Variants in KLHL5 observed in about 807,000 individuals in gnomAD.
KLHL5 encodes the protein kelch-like protein 5.
In KLHL5, 48 loss-of-function variants were observed where a neutral mutation model predicts 77.7. The observed-to-expected ratio is 0.62, with a 90% CI of 0.49 to 0.79. The LOEUF is 0.79. Ranked by LOEUF, KLHL5 falls within the 30% of genes least tolerant of loss-of-function variation. The pLI, the probability that KLHL5 is intolerant of heterozygous loss-of-function variation, is 0.00. For missense variants in KLHL5, 723 were observed against 859.7 expected (o/e 0.84, Z 1.99); for synonymous variants, 260 against 297.0 (o/e 0.88, Z 1.28).
In KLHL5 at chr4:39,047,212, G is replaced by T. The variant is rs1192958713; in HGVS notation, c.-95+2116G>T. ...GTAGGTGGATCACTTGAGGTCAGGA[G>T]TTCAAGACCACCCTGGCCAACACAG... On this transcript the variant is annotated intron_variant, in intron 1 of 11. Coordinates refer to the KLHL5 transcript ENST00000261425. Among the ~76,000 whole-genome samples, 4 of 152,264 alleles carry T rather than the reference G, an allele frequency of 2.6e-5. No homozygotes were observed. The South Asian group carries it at 8.3e-4, about 32-fold the overall frequency.
At chr4:39,051,579 C>T (rs1165666816) in intron 1 of KLHL5, among the ~76,000 whole-genome samples, 1 of 152,208 alleles carries the variant, frequency 6.6e-6, no homozygotes, top group East Asian at 1.9e-4. Flanking sequence ...AGCAGGGCAG[C>T]ATCAAATGTT....
At chr4:39,130,442 A>C (rs1263941172), downstream of KLHL5, among the ~76,000 whole-genome samples, 1 of 152,200 alleles carries the variant, frequency 6.6e-6, no homozygotes, top group African/African-American at 2.4e-5. Context: ...ACAACCTTCC[A>C]GTGTGGGCGT....
chr4:39,113,242 T>G lies in KLHL5; in HGVS notation c.1901+10T>G. 1 of 1,604,360 alleles carries G rather than the reference T, an allele frequency of 6.2e-7. No individual in the cohort carries two copies. The highest frequency in any genetic ancestry group is 1.1e-5 in the South Asian group (1 of 90,220). On this transcript the variant is annotated intron_variant, in intron 9 of 10. Coordinates refer to ENST00000504108, the MANE Select transcript of KLHL5 (RefSeq NM_015990.5). ...CAGACTGTGTGGAAAGGTAATTTCC[T>G]GGGAAGAAAAACTAGGAACAAAAAA...
At chr4:39,106,458 C>A (rs969518239) in intron 7 of KLHL5, among the ~76,000 whole-genome samples, 1 of 152,156 alleles carries the variant, frequency 6.6e-6, no homozygotes, top group Non-Finnish European at 1.5e-5. Flanking sequence ...AGCCCTTACC[C>A]GTTATATTCT....
chr4:39,127,714 C>T (rs1289904312), downstream of KLHL5, among the ~76,000 whole-genome samples: 2 of 152,078 alleles, frequency 1.3e-5, no homozygotes, highest in Non-Finnish European at 2.9e-5. Context: ...ATCTTCCCGC[C>T]TCCTCTTCCC....
intron 5 of KLHL5, among the ~76,000 whole-genome samples, 180 bp downstream of exon 5, chr4:39,086,907 T>A (rs1221131082): frequency 1.5e-5 from 2 of 135,628 alleles, no homozygotes; most frequent in East Asian, 4.2e-4. Flanking sequence ...TAACATTCTT[T>A]TTTTTTTTTT....
At chr4:39,130,192 T>G (rs942439805), downstream of KLHL5, among the ~76,000 whole-genome samples, 4 of 152,210 alleles carry the variant, frequency 2.6e-5, no homozygotes, top group Non-Finnish European at 5.9e-5. Context: ...ACCCACATAC[T>G]TATTAACAGC....
chr4:39,105,909 G>A (rs1721999381), intron 7 of KLHL5, among the ~76,000 whole-genome samples: 1 of 151,992 alleles, frequency 6.6e-6, no homozygotes, highest in Admixed American at 6.6e-5. Flanking sequence ...AAATATATCT[G>A]TAATACAGGG....
At chr4:39,101,126 T>TATACATATATATATATATCTA (rs1553892884) in intron 6 of KLHL5, among the ~76,000 whole-genome samples, 1 of 134,844 alleles carries the variant, frequency 7.4e-6, no homozygotes, top group African/African-American at 2.8e-5. Context: ...TATTTGGATT[T>TATACATATATATATATATCTA]TATATATATA....
chr4:39,087,803 T>C (rs948464236), intron 5 of KLHL5, among the ~76,000 whole-genome samples: 8 of 152,214 alleles, frequency 5.3e-5, no homozygotes, highest in African/African-American at 1.9e-4. Flanking sequence ...GACTTTCTTT[T>C]TCTTTTTTTA....
intron 7 of KLHL5, among the ~76,000 whole-genome samples, chr4:39,104,851 C>T (rs576990367): frequency 7.9e-5 from 12 of 152,040 alleles, no homozygotes; most frequent in African/African-American, 1.7e-4. Flanking sequence ...CTGCAACTTC[C>T]GCCTCCCGGG....
rs1723463953 is a variant in KLHL5, at chr4:39,125,203, G to T, written c.*4137G>T. Among the ~76,000 whole-genome samples, 1 of 152,072 alleles carries T rather than the reference G, an allele frequency of 6.6e-6. No individual in the cohort carries two copies. The highest frequency in any genetic ancestry group is 6.6e-5 in the Admixed American group (1 of 15,258). ...AATAGAGAAAATAAATGTTAGAGAG[G>T]ATGTGGAGAAATTGAAAACCTTCAT... On this transcript the variant is annotated 3_prime_UTR_variant, in exon 11 of 11. Coordinates refer to ENST00000504108, the MANE Select transcript of KLHL5 (RefSeq NM_015990.5).
In KLHL5 at chr4:39,101,285, C is replaced by A. The variant is rs185618540; in HGVS notation, c.1301-2002C>A. Among the ~76,000 whole-genome samples the A allele has an allele frequency of 2.6e-5, 4 of 151,022 alleles. No homozygotes were observed. The East Asian group carries it at 7.8e-4, about 29-fold the overall frequency. ...CTTAAAATTCAAAAGAAAAGTATTC[C>A]CTAAATGTATTCATGAAGAAAGATG... On this transcript the variant is annotated intron_variant, in intron 6 of 10. Transcript: ENST00000504108.
intron 10 of KLHL5, among the ~76,000 whole-genome samples, chr4:39,117,301 A>G (rs1433143053): frequency 1.3e-5 from 2 of 152,280 alleles, no homozygotes; most frequent in East Asian, 3.9e-4. Flanking sequence ...TCTGTCTCTT[A>G]AAAATAATCA....
At chr4:39,093,299 A>G (rs183892902) in intron 5 of KLHL5, 1 of 433,618 alleles carries the variant, frequency 2.3e-6, no homozygotes, top group African/African-American at 2.0e-5. Context: ...ATGTCCAGCA[A>G]AAGCAAATCT....
In KLHL5 at chr4:39,107,546, AATTG is replaced by A. The variant is rs764192177; in HGVS notation, c.1526-22_1526-19del. 2 of 1,540,500 alleles carry A rather than the reference AATTG, an allele frequency of 1.3e-6. No homozygotes were observed. Among genetic ancestry groups the A allele is most frequent in the African/African-American group, 1.7e-5 (1 of 57,950 alleles). On this transcript the variant is annotated intron_variant, in intron 7 of 10. Coordinates refer to ENST00000504108, the MANE Select transcript of KLHL5 (RefSeq NM_015990.5). ...AGACAGCAGCCAATCTGAAGTCGTT[AATTG>A]TTTCCTGTCTCCTCATAGGTGTGGC...
intron 2 of KLHL5, among the ~76,000 whole-genome samples, chr4:39,077,771 A>G (rs1719217636): frequency 1.3e-5 from 2 of 148,862 alleles, no homozygotes; most frequent in Admixed American, 1.3e-4. Flanking sequence ...CAATCCCACT[A>G]CTAACTATCA....
intron 5 of KLHL5, among the ~76,000 whole-genome samples, chr4:39,095,582 A>G (rs1407451108): frequency 6.6e-6 from 1 of 152,006 alleles, no homozygotes; most frequent in Non-Finnish European, 1.5e-5. Context: ...GTAGCAGAAA[A>G]AAGTATGTTT....
intron 2 of KLHL5, among the ~76,000 whole-genome samples, chr4:39,078,543 A>C (rs1226396146): frequency 6.6e-6 from 1 of 151,948 alleles, no homozygotes; most frequent in Non-Finnish European, 1.5e-5. Context: ...AAAAATACAA[A>C]AACTAGCCAG....
Sources: allele counts gnomAD v4.1 joint callset (sites outside exome capture counted in the v4.1 genomes callset), GRCh38; gene constraint gnomAD v4.1.1; transcripts MANE v1.5; gene names NCBI Gene and HGNC (gene_info 2026-07-23, HGNC 2026-07-21).